CADPS2: variants seen among roughly 807,000 people sequenced by gnomAD.
CADPS2 encodes calcium-dependent secretion activator 2.
In CADPS2, 93 loss-of-function variants were observed where a neutral mutation model predicts 172.5. That is an observed-to-expected ratio of 0.54 (90% CI 0.46 to 0.64). The LOEUF is 0.64. Ranked by LOEUF, CADPS2 falls within the 30% of genes least tolerant of loss-of-function variation. The pLI, the probability that CADPS2 is intolerant of heterozygous loss-of-function variation, is 0.00. For missense variants in CADPS2, 1,420 were observed against 1,565.9 expected (o/e 0.91, Z 1.57); for synonymous variants, 546 against 555.2 (o/e 0.98, Z 0.23).
At chr7:122,606,856 T>C (rs755183845) in intron 6 of CADPS2, among the ~76,000 whole-genome samples, 28 of 152,092 alleles carry the variant, frequency 1.8e-4, no homozygotes, top group Non-Finnish European at 3.8e-4. Flanking sequence ...CAGTCTATAT[T>C]ATTAAATCAG....
intron 6 of CADPS2, among the ~76,000 whole-genome samples, chr7:122,605,480 C>T (rs73218237): frequency 0.013 from 1,958 of 152,130 alleles, 22 homozygotes; most frequent in Middle Eastern, 0.034. Flanking sequence ...ATCCCACCAC[C>T]GATGAAAAAT....
intron 2 of CADPS2, among the ~76,000 whole-genome samples, chr7:122,733,781 G>C (rs2091895744): frequency 6.6e-6 from 1 of 151,900 alleles, no homozygotes; most frequent in Non-Finnish European, 1.5e-5. Context: ...AAGCAAGTTT[G>C]AATCCTTTAT....
chr7:122,552,788 T>A (rs1279658294), intron 8 of CADPS2, among the ~76,000 whole-genome samples: 9 of 151,484 alleles, frequency 5.9e-5, no homozygotes, highest in East Asian at 3.9e-4. Context: ...TTTTTTTTTT[T>A]TTTTTATTAT....
intron 8 of CADPS2, among the ~76,000 whole-genome samples, chr7:122,528,568 T>C (rs1586883859): frequency 6.6e-6 from 1 of 152,152 alleles, no homozygotes; most frequent in African/African-American, 2.4e-5. Flanking sequence ...AAAGAATCCA[T>C]GGGCAGTAAG....
chr7:122,882,366 T>A (rs1364675528), intron 1 of CADPS2, among the ~76,000 whole-genome samples: 1 of 152,102 alleles, frequency 6.6e-6, no homozygotes, highest in Non-Finnish European at 1.5e-5. Context: ...GTTAGTAGGT[T>A]CTATTTTAAT....
At chr7:122,785,463 G>A (rs950161812) in intron 1 of CADPS2, among the ~76,000 whole-genome samples, 1 of 152,150 alleles carries the variant, frequency 6.6e-6, no homozygotes, top group African/African-American at 2.4e-5. Flanking sequence ...CTCTGGAGGA[G>A]GTACCCAGGC....
At chr7:122,849,611 A>C (rs1292904944) in intron 1 of CADPS2, 2 of 243,478 alleles carry the variant, frequency 8.2e-6, no homozygotes, top group Non-Finnish European at 1.6e-5. Context: ...TTGATTTAAC[A>C]AATTGTTATT....
intron 6 of CADPS2, among the ~76,000 whole-genome samples, chr7:122,603,292 G>A (rs1218987341): frequency 1.4e-5 from 2 of 148,130 alleles, no homozygotes; most frequent in Non-Finnish European, 2.9e-5. Flanking sequence ...AAGGGACTTG[G>A]GAAACAAAAG....
At chr7:122,498,393 T>C (rs1329444711) in intron 9 of CADPS2, among the ~76,000 whole-genome samples, 1 of 152,212 alleles carries the variant, frequency 6.6e-6, no homozygotes, top group African/African-American at 2.4e-5. Flanking sequence ...CTATATCAAT[T>C]TAAAAATCTT....
At chr7:122,613,674 C>T (rs2133833605) in intron 6 of CADPS2, among the ~76,000 whole-genome samples, 1 of 150,708 alleles carries the variant, frequency 6.6e-6, no homozygotes, top group South Asian at 2.1e-4. Flanking sequence ...CTAAAGGGTA[C>T]AGTTTTTTTT....
In CADPS2 at chr7:122,513,315, T is replaced by C. The variant is rs561563390; in HGVS notation, c.1476A>G (p.Gly492=). ...MDKPAHMKHS[G]YLYALGQKVW... is the part of the protein sequence containing the mutation. Reference sequence around the variant, plus strand: ...CCTTCTGTCCAAGGGCATACAGATATCTGGAAAGAAAAACAAAAGCCAAAG... The same window carrying C: ...CCTTCTGTCCAAGGGCATACAGATACCTGGAAAGAAAAACAAAAGCCAAAG... Residue 492 remains glycine, a splice_region_variant and synonymous_variant, in exon 9 of 30, where the codon GGA becomes GGG. Transcript: ENST00000449022. The C allele has an allele frequency of 1.0e-5, 16 of 1,555,552 alleles. No individual in the cohort carries two copies. In the African/African-American group the frequency reaches 1.6e-4, roughly 16 times the overall value.
intron 2 of CADPS2, among the ~76,000 whole-genome samples, chr7:122,722,521 C>T (rs953775325): frequency 4.0e-5 from 6 of 151,550 alleles, no homozygotes; most frequent in South Asian, 2.1e-4. Context: ...AACTACAAAC[C>T]GCTGCTCAAC....
chr7:122,787,950 A>G (rs1185842083), intron 1 of CADPS2, among the ~76,000 whole-genome samples: 2 of 152,174 alleles, frequency 1.3e-5, no homozygotes, highest in African/African-American at 4.8e-5. Flanking sequence ...TGGTCCAACT[A>G]GAGAGAGGAA....
At chr7:122,399,349 T>TG (rs1463037530) in intron 20 of CADPS2, among the ~76,000 whole-genome samples, 2 of 152,342 alleles carry the variant, frequency 1.3e-5, no homozygotes, top group East Asian at 3.9e-4. Context: ...TACATGTATT[T>TG]GCAAGGAGCC....
At chr7:122,775,525 G>T (rs972312784) in intron 1 of CADPS2, among the ~76,000 whole-genome samples, 1 of 152,138 alleles carries the variant, frequency 6.6e-6, no homozygotes, top group African/African-American at 2.4e-5. Context: ...CCCAAACTTT[G>T]CCCAAGAGAA....
chr7:122,574,548 T>G (rs1468692019), intron 7 of CADPS2, among the ~76,000 whole-genome samples: 1 of 145,460 alleles, frequency 6.9e-6, no homozygotes, highest in Non-Finnish European at 1.5e-5. Context: ...AAACAACCAG[T>G]GCTAATAACA....
intron 1 of CADPS2, among the ~76,000 whole-genome samples, chr7:122,746,642 GACAC>G (rs758081487): frequency 1.4e-5 from 2 of 142,434 alleles, no homozygotes; most frequent in African/African-American, 5.3e-5. Context: ...CACACACACA[GACAC>G]ACACACACAC....
chr7:122,536,985 A>C (rs2062358707), intron 8 of CADPS2, among the ~76,000 whole-genome samples: 1 of 152,028 alleles, frequency 6.6e-6, no homozygotes, highest in Admixed American at 6.6e-5. Flanking sequence ...ACACATGGGC[A>C]CATAGAGGAG....
intron 27 of CADPS2, among the ~76,000 whole-genome samples, chr7:122,352,153 T>G (rs2038759077): frequency 6.6e-6 from 1 of 152,164 alleles, no homozygotes; most frequent in Non-Finnish European, 1.5e-5. Flanking sequence ...TAGCTGCTAA[T>G]ACAGTAGCAC....
Sources: gnomAD v4.1 joint callset for allele counts (sites outside exome capture counted in the v4.1 genomes callset) on GRCh38, gnomAD v4.1.1 for gene constraint, MANE v1.5 for transcripts, NCBI Gene and HGNC (gene_info 2026-07-23, HGNC 2026-07-21) for gene names.